Variants in CFDP1 observed in about 807,000 individuals in gnomAD.
The protein encoded by CFDP1 is heterochromatin-stabilizing protein CFDP1.
In CFDP1, 31 loss-of-function variants were observed where a neutral mutation model predicts 40.1. That is an observed-to-expected ratio of 0.77 (90% CI 0.58 to 1.04). The LOEUF (loss-of-function observed/expected upper bound fraction) is 1.04, where lower values mean the gene tolerates loss of function less well. CFDP1 is among the 50% of genes least tolerant of loss of function. CFDP1 has a pLI of 0.00. For missense variants in CFDP1, 423 were observed against 343.4 expected (o/e 1.23, Z -1.83); for synonymous variants, 167 against 120.0 (o/e 1.39, Z -2.56).
intron 4 of CFDP1, among the ~76,000 whole-genome samples, chr16:75,399,344 G>A (rs868762008): frequency 6.6e-5 from 10 of 152,108 alleles, no homozygotes; most frequent in Non-Finnish European, 1.2e-4. Context: ...AAATTTCCTT[G>A]CTCTGGGTAG....
chr16:75,331,284 T>C (rs926482451), intron 5 of CFDP1, among the ~76,000 whole-genome samples: 1 of 152,200 alleles, frequency 6.6e-6, no homozygotes, highest in Non-Finnish European at 1.5e-5. Context: ...TTTAAAATTT[T>C]GATTTTTATT....
chr16:75,346,654 C>G (rs2078568304), intron 5 of CFDP1, among the ~76,000 whole-genome samples: 1 of 128,546 alleles, frequency 7.8e-6, no homozygotes, highest in African/African-American at 2.9e-5. Flanking sequence ...CAACAATAAA[C>G]TAAGTTTTAT....
intron 5 of CFDP1, among the ~76,000 whole-genome samples, chr16:75,357,718 A>C (rs2078654096): frequency 6.6e-6 from 1 of 152,186 alleles, no homozygotes; most frequent in Non-Finnish European, 1.5e-5. Context: ...GTTTGATCTT[A>C]TTCAGACCAT....
At chr16:75,368,788 C>T (rs1455260251) in intron 5 of CFDP1, among the ~76,000 whole-genome samples, 3 of 152,034 alleles carry the variant, frequency 2.0e-5, no homozygotes, top group African/African-American at 4.8e-5. Context: ...GCACGTGCCA[C>T]TACGCCCAGC....
In CFDP1 at chr16:75,396,684, C is replaced by T. The variant is rs540852530; in HGVS notation, c.531-1475G>A. Among the ~76,000 whole-genome samples, 3 of 106,162 alleles carry T rather than the reference C, an allele frequency of 2.8e-5. 1 individual carries two copies. The East Asian group carries it at 8.5e-4, about 30-fold the overall frequency. 69.6% of individuals were successfully genotyped at this position (106,162 alleles called of 152,430 possible). ...CATGACTGAGAATTTTGTCTAACTT[C>T]AAATCTGAAAAAATTATCTTCACTA... On this transcript the variant is annotated intron_variant, in intron 4 of 6. Transcript: ENST00000283882.
intron 5 of CFDP1, among the ~76,000 whole-genome samples, chr16:75,339,932 G>A (rs545369014): frequency 2.2e-4 from 34 of 152,274 alleles, no homozygotes. Context: ...GTCTTAAGAT[G>A]ATCAATCCAT....
At chr16:75,310,198 T>C (rs1173297977) in intron 5 of CFDP1, among the ~76,000 whole-genome samples, 1 of 152,116 alleles carries the variant, frequency 6.6e-6, no homozygotes, top group Non-Finnish European at 1.5e-5. Context: ...GTTCAAGGAG[T>C]GTGGACTTTG....
At chr16:75,365,642 A>G (rs1010817462) in intron 5 of CFDP1, among the ~76,000 whole-genome samples, 14 of 152,182 alleles carry the variant, frequency 9.2e-5, no homozygotes, top group African/African-American at 2.4e-5. Context: ...ACTTGAGGCC[A>G]GGAGGATCAC....
At chr16:75,431,310 CG>C (rs2079411456) in intron 1 of CFDP1, among the ~76,000 whole-genome samples, 1 of 151,630 alleles carries the variant, frequency 6.6e-6, no homozygotes, top group Non-Finnish European at 1.5e-5. Context: ...AAAAATCATT[CG>C]GGTGTGCTGG....
intron 1 of CFDP1, among the ~76,000 whole-genome samples, chr16:75,426,044 A>G (rs1238434388): frequency 3.7e-5 from 5 of 136,540 alleles, no homozygotes; most frequent in Admixed American, 7.8e-5. Flanking sequence ...TCAAAAAAAA[A>G]AAAAAAAAAA....
At chr16:75,324,145 G>A (rs1421971694) in intron 5 of CFDP1, among the ~76,000 whole-genome samples, 2 of 152,036 alleles carry the variant, frequency 1.3e-5, no homozygotes, top group African/African-American at 2.4e-5. Context: ...ACACAAACAA[G>A]CAATTACATT....
At chr16:75,301,058 A>C (rs1031403697) in intron 6 of CFDP1, among the ~76,000 whole-genome samples, 1 of 152,216 alleles carries the variant, frequency 6.6e-6, no homozygotes, top group Non-Finnish European at 1.5e-5. Context: ...CTTTCCAGTA[A>C]GGCCTGAGGC....
chr16:75,318,778 C>G (rs139753399), intron 5 of CFDP1, among the ~76,000 whole-genome samples: 6 of 152,296 alleles, frequency 3.9e-5, no homozygotes, highest in African/African-American at 1.4e-4. Context: ...ATGCATGTCT[C>G]TGTCTCTTCA....
intron 5 of CFDP1, among the ~76,000 whole-genome samples, chr16:75,338,906 C>G (rs1217957134): frequency 6.6e-6 from 1 of 152,082 alleles, no homozygotes; most frequent in Non-Finnish European, 1.5e-5. Context: ...CAACTTGATC[C>G]TTGATATTTT....
At chr16:75,400,038 T>C (rs1264474786) in intron 4 of CFDP1, among the ~76,000 whole-genome samples, 1 of 145,368 alleles carries the variant, frequency 6.9e-6, no homozygotes, top group Non-Finnish European at 1.5e-5. Flanking sequence ...GAGGTGGAGG[T>C]TGCGGTGAGC....
chr16:75,404,413 G>A (rs1469105095), intron 4 of CFDP1, among the ~76,000 whole-genome samples: 2 of 151,688 alleles, frequency 1.3e-5, no homozygotes, highest in Middle Eastern at 3.2e-3. Context: ...AGTAGAGAAC[G>A]GGTTTCACCG....
intron 1 of CFDP1, among the ~76,000 whole-genome samples, chr16:75,418,407 C>A (rs539757336): frequency 1.3e-5 from 2 of 148,870 alleles, no homozygotes; most frequent in African/African-American, 2.5e-5. Flanking sequence ...CCGGGTTTTA[C>A]GCCATTCTCC....
chr16:75,426,928 G>A (rs2079348702), intron 1 of CFDP1, among the ~76,000 whole-genome samples: 1 of 151,720 alleles, frequency 6.6e-6, no homozygotes, highest in Non-Finnish European at 1.5e-5. Context: ...GGTGGCGAGT[G>A]CTTGTAATCC....
intron 5 of CFDP1, among the ~76,000 whole-genome samples, chr16:75,323,742 G>A (rs887698953): frequency 6.7e-6 from 1 of 149,780 alleles, no homozygotes; most frequent in Non-Finnish European, 1.5e-5. Flanking sequence ...TCGTGCCATT[G>A]CACTCCAGCC....
Sources: gnomAD v4.1 joint callset for allele counts (sites outside exome capture counted in the v4.1 genomes callset) on GRCh38, gnomAD v4.1.1 for gene constraint, MANE v1.5 for transcripts, NCBI Gene and HGNC (gene_info 2026-07-23, HGNC 2026-07-21) for gene names.